Variants in DDX46 observed in about 807,000 individuals in gnomAD.
DDX46 encodes the protein DEAD-box helicase 46, also known as probable ATP-dependent RNA helicase DDX46.
Under a neutral mutation model 134.9 loss-of-function variants are expected in DDX46, and 30 were observed. The ratio of observed to expected loss-of-function variants is 0.22; its 90% CI spans 0.17 to 0.30. DDX46 has a LOEUF of 0.30. Ranked by LOEUF, DDX46 falls within the 10% of genes least tolerant of loss-of-function variation. The pLI, the probability that DDX46 is intolerant of heterozygous loss-of-function variation, is 1.00. For synonymous variants in DDX46, 415 were observed against 404.1 expected (o/e 1.03, Z -0.32); for missense variants, 622 against 1,248.7 (o/e 0.50, Z 7.56).
intron 15 of DDX46, 64 bp from the exon 16 acceptor site, chr5:134,807,684 C>T: frequency 6.9e-7 from 1 of 1,441,320 alleles, no homozygotes. Flanking sequence ...AGTTTAGATT[C>T]TTGGTCAGAA....
Position 134,796,002 on chromosome 5 carries a change from A to C in DDX46, c.1806A>C (p.Glu602Asp). 3 of 1,613,072 alleles carry C rather than the reference A, an allele frequency of 1.9e-6. No homozygotes were observed. The highest frequency in any genetic ancestry group is 2.5e-6 in the Non-Finnish European group (3 of 1,179,730). Residue 602 changes from glutamate to aspartate, a missense_variant, in exon 15 of 23, where the codon GAA becomes GAC. Physicochemically the swap from Glu to Asp is conservative, Grantham distance 45. This residue lies in a region of DDX46 where 209 missense variants were observed against 508.4 expected (regional missense o/e 0.41). Coordinates refer to ENST00000452510, the MANE Select transcript of DDX46 (RefSeq NM_001300860.2). ...GGTGTTTTCAGATTGTGATTGAAGA[A>C]GAAAAGAAATTCTTGAAGTTACTTG... ...DVEQQVIVIEEEKKFLKLLEL... is the reference protein window; with the variant it reads ...DVEQQVIVIEDEKKFLKLLEL...
intron 18 of DDX46, among the ~76,000 whole-genome samples, chr5:134,812,125 C>T (rs868299134): frequency 3.1e-5 from 4 of 129,634 alleles, no homozygotes; most frequent in Admixed American, 2.9e-4. Context: ...AGTACGGTGG[C>T]GTGGTCTCCA....
At chr5:134,781,323 C>T (rs749485214) in intron 7 of DDX46, 77 bp downstream of exon 7, 18 of 1,130,108 alleles carry the variant, frequency 1.6e-5, no homozygotes, top group Middle Eastern at 2.0e-4. Context: ...TGGAGATGTG[C>T]GTTTCATTTG....
At chr5:134,760,553 C>T (rs1753345672) in intron 1 of DDX46, among the ~76,000 whole-genome samples, 1 of 152,090 alleles carries the variant, frequency 6.6e-6, no homozygotes, top group South Asian at 2.1e-4. Flanking sequence ...CAGAATTCTC[C>T]TTAGCAGCAA....
At chr5:134,800,384 A>T (rs986790472) in intron 15 of DDX46, among the ~76,000 whole-genome samples, 10 of 152,128 alleles carry the variant, frequency 6.6e-5, no homozygotes, top group African/African-American at 2.4e-4. Flanking sequence ...TTTGAGATTG[A>T]TCCATGTTGT....
intron 20 of DDX46, among the ~76,000 whole-genome samples, chr5:134,818,004 C>T (rs1209291617): frequency 7.3e-5 from 11 of 149,746 alleles, no homozygotes; most frequent in Non-Finnish European, 1.5e-4. Flanking sequence ...GGCTGGGGTA[C>T]AATGGTGCGA....
At chr5:134,805,227 G>A (rs1296805396) in intron 15 of DDX46, 3 of 166,474 alleles carry the variant, frequency 1.8e-5, no homozygotes, top group African/African-American at 7.2e-5. Context: ...CTGGAGTGCG[G>A]TGGCACGATC....
At chr5:134,810,467 G>A (rs1755111877) in intron 16 of DDX46, among the ~76,000 whole-genome samples, 1 of 151,434 alleles carries the variant, frequency 6.6e-6, no homozygotes, top group African/African-American at 2.4e-5. Context: ...AGCCTCCCAA[G>A]TAGTTGGGAT....
At chr5:134,818,735 G>GGAGAGA in intron 20 of DDX46, 125 bp from the exon 21 acceptor site, 1 of 514,674 alleles carries the variant, frequency 1.9e-6, no homozygotes, top group Non-Finnish European at 3.1e-6. Context: ...ATATATATAT[G>GGAGAGA]GAGAGAGAGA....
intron 4 of DDX46, among the ~76,000 whole-genome samples, chr5:134,773,190 G>C (rs145227109): frequency 2.0e-5 from 3 of 152,214 alleles, no homozygotes; most frequent in African/African-American, 4.8e-5. Flanking sequence ...TCTAGCCTCA[G>C]CTTCCCAGGT....
chr5:134,793,327 T>G (rs1304060649), intron 13 of DDX46, among the ~76,000 whole-genome samples: 1 of 152,250 alleles, frequency 6.6e-6, no homozygotes, highest in African/African-American at 2.4e-5. Context: ...AGCTGCACAC[T>G]GACTTATGCC....
chr5:134,759,454 C>T (rs1753308834), intron 1 of DDX46, among the ~76,000 whole-genome samples: 1 of 152,148 alleles, frequency 6.6e-6, no homozygotes, highest in East Asian at 1.9e-4. Context: ...ACAATAAATA[C>T]TTGTTGCGTG....
At chr5:134,776,666 C>T (rs963889338) in intron 5 of DDX46, among the ~76,000 whole-genome samples, 1 of 152,032 alleles carries the variant, frequency 6.6e-6, no homozygotes, top group Non-Finnish European at 1.5e-5. Context: ...CCTGTAATCC[C>T]AACACTTTGG....
intron 3 of DDX46, among the ~76,000 whole-genome samples, chr5:134,768,091 A>G (rs1176118279): frequency 3.3e-5 from 5 of 151,854 alleles, no homozygotes; most frequent in African/African-American, 1.2e-4. Context: ...GACAGAGGTG[A>G]TGATGTAATA....
chr5:134,796,252 C>G, intron 15 of DDX46, 102 bp downstream of exon 15: 1 of 1,297,956 alleles, frequency 7.7e-7, no homozygotes, highest in Non-Finnish European at 1.1e-6. Flanking sequence ...TAATTCAGAA[C>G]TAAATTTTAT....
chr5:134,827,978 T>C (rs1755635518), intron 22 of DDX46, among the ~76,000 whole-genome samples: 1 of 152,242 alleles, frequency 6.6e-6, no homozygotes, highest in Admixed American at 6.5e-5. Flanking sequence ...TCCAGAAGTG[T>C]AGAAAATTCC....
At chr5:134,825,454 G>C (rs1326559488) in intron 21 of DDX46, among the ~76,000 whole-genome samples, 1 of 151,912 alleles carries the variant, frequency 6.6e-6, no homozygotes, top group African/African-American at 2.4e-5. Context: ...TCTCTTTCTA[G>C]CTCCGTCTCT....
intron 15 of DDX46, among the ~76,000 whole-genome samples, chr5:134,805,502 A>G (rs1292246234): frequency 2.0e-5 from 3 of 150,824 alleles, no homozygotes; most frequent in Admixed American, 2.0e-4. Context: ...AGTATTTAAA[A>G]ATTTCCTCAG....
At chr5:134,781,018 A>T in intron 6 of DDX46, 115 bp from the exon 7 acceptor site, 1 of 686,270 alleles carries the variant, frequency 1.5e-6, no homozygotes, top group Non-Finnish European at 2.3e-6. Context: ...AGACCATGTC[A>T]CTAAAAAAAG....
Sources: allele counts gnomAD v4.1 joint callset (sites outside exome capture counted in the v4.1 genomes callset), GRCh38; gene constraint gnomAD v4.1.1; regional missense constraint gnomAD v4.1.1; transcripts MANE v1.5; gene names NCBI Gene and HGNC (gene_info 2026-07-23, HGNC 2026-07-21).